USP45: variants seen among roughly 807,000 people sequenced by gnomAD.
USP45 encodes ubiquitin specific peptidase 45, also known as ubiquitin carboxyl-terminal hydrolase 45.
In USP45, 89 loss-of-function variants were observed where a neutral mutation model predicts 95.8. The observed-to-expected ratio is 0.93, with a 90% CI of 0.78 to 1.11. USP45 has a LOEUF of 1.11. Among genes scored for constraint, USP45 ranks in the 50% least tolerant of loss-of-function variants. The pLI, the probability that USP45 is intolerant of heterozygous loss-of-function variation, is 0.00. For synonymous variants in USP45, 281 were observed against 316.2 expected, an observed-to-expected ratio of 0.89 and a Z score of 1.18; for missense variants, 898 against 942.5, an observed-to-expected ratio of 0.95 and a Z score of 0.62.
chr6:99,502,346 AG>A (rs1797568795), intron 5 of USP45, among the ~76,000 whole-genome samples: 1 of 152,166 alleles, frequency 6.6e-6, no homozygotes, highest in Non-Finnish European at 1.5e-5. Flanking sequence ...TATAATTGTT[AG>A]TACAGCACTT....
At chr6:99,470,539 T>A (rs1049276616) in intron 9 of USP45, among the ~76,000 whole-genome samples, 1 of 152,110 alleles carries the variant, frequency 6.6e-6, no homozygotes, top group African/African-American at 2.4e-5. Context: ...AAAGCAAACA[T>A]AAAGCAATTC....
At chr6:99,437,689 G>A (rs767916263) in intron 16 of USP45, among the ~76,000 whole-genome samples, 5 of 151,768 alleles carry the variant, frequency 3.3e-5, no homozygotes, top group Non-Finnish European at 4.4e-5. Flanking sequence ...ATGGAGTCTC[G>A]CTCTGTTACC....
intron 14 of USP45, among the ~76,000 whole-genome samples, chr6:99,443,919 C>T (rs770336537): frequency 1.3e-5 from 2 of 152,072 alleles, no homozygotes; most frequent in South Asian, 2.1e-4. Flanking sequence ...AGGTAGAAAG[C>T]AGATGGACTA....
chr6:99,478,676 T>TA (rs1208169358), intron 8 of USP45, among the ~76,000 whole-genome samples: 2 of 151,970 alleles, frequency 1.3e-5, no homozygotes, highest in Non-Finnish European at 2.9e-5. Flanking sequence ...TACACAGCCA[T>TA]AAAAAAGAAC....
Position 99,434,718 on chromosome 6 carries a change from G to T in USP45, c.*998C>A. The stretch of plus-strand genomic sequence containing the variant: ...CTGTGTTTAGTATTTACAAGAAGTA[G>T]AAAAAGTATATATTTTTCTGTTAAG... On this transcript the variant is annotated 3_prime_UTR_variant, in exon 18 of 18. Coordinates refer to ENST00000500704, the MANE Select transcript of USP45 (RefSeq NM_001346022.3). 1 of 152,244 alleles carries T rather than the reference G, an allele frequency of 6.6e-6. No homozygotes were observed. The highest frequency in any genetic ancestry group is 1.5e-5 in the Non-Finnish European group (1 of 67,994). The allele number at this position is 152,244 out of a possible 1,614,324, so 9.4% of individuals were successfully genotyped here. A position where few individuals can be genotyped will look rare whatever the true frequency, so the allele number is the denominator to read the frequency against.
At chr6:99,465,170 G>A (rs1787613688) in intron 11 of USP45, 34 bp from the exon 12 acceptor site, 1 of 1,537,180 alleles carries the variant, frequency 6.5e-7, no homozygotes, top group East Asian at 2.3e-5. Context: ...ACTTCAGTTA[G>A]AATTCTAATA....
At chr6:99,499,937 T>C (rs147587481) in intron 5 of USP45, among the ~76,000 whole-genome samples, 48 of 152,350 alleles carry the variant, frequency 3.2e-4, no homozygotes, top group South Asian at 1.0e-3. Flanking sequence ...ATCTTACACC[T>C]TCTTTCAGAT....
chr6:99,501,427 A>C (rs1238834524), intron 5 of USP45, among the ~76,000 whole-genome samples: 1 of 152,164 alleles, frequency 6.6e-6, no homozygotes, highest in Non-Finnish European at 1.5e-5. Context: ...TCTACCTCGT[A>C]ACTTCATCTC....
chr6:99,509,299 CCT>C (rs969543595), intron 2 of USP45, among the ~76,000 whole-genome samples: 1 of 152,052 alleles, frequency 6.6e-6, no homozygotes, highest in African/African-American at 2.4e-5. Flanking sequence ...CTGAGCCTCC[CCT>C]GATGTTAATG....
chr6:99,455,356 C>A (rs1784812599), intron 13 of USP45, among the ~76,000 whole-genome samples: 1 of 152,010 alleles, frequency 6.6e-6, no homozygotes, highest in African/African-American at 2.4e-5. Context: ...GAGGCTGAGG[C>A]ATGAGAATCA....
intron 5 of USP45, chr6:99,501,912 C>A: frequency 7.8e-7 from 1 of 1,284,440 alleles, no homozygotes; most frequent in Non-Finnish European, 1.0e-6. Context: ...CATGATGGGT[C>A]CCTCAGGCCA....
chr6:99,471,711 T>C (rs1193027902), intron 9 of USP45, among the ~76,000 whole-genome samples: 1 of 152,176 alleles, frequency 6.6e-6, no homozygotes. Flanking sequence ...AATGAAACCA[T>C]ATGAAAGGAG....
rs1275788451 is a variant in USP45 at position 99,435,437 on chromosome 6, A to T, written c.*279T>A. ...AATGCTTGTAATAATAAGCCACATC[A>T]TAAAGGGGTTTCCTTTCCTACTGTA... On this transcript the variant is annotated 3_prime_UTR_variant, in exon 18 of 18. Transcript: ENST00000500704. 1.2e-5 allele frequency: 3 copies of T among 256,276 alleles called. No homozygotes were observed. Among genetic ancestry groups the T allele is most frequent in the Non-Finnish European group, 2.2e-5 (3 of 136,576 alleles). 15.9% of individuals were successfully genotyped at this position (256,276 alleles called of 1,614,324 possible).
At chr6:99,465,998 ATTAAG>A (rs2128632381) in intron 11 of USP45, among the ~76,000 whole-genome samples, 1 of 152,040 alleles carries the variant, frequency 6.6e-6, no homozygotes, top group East Asian at 1.9e-4. Flanking sequence ...ATGTTAATAC[ATTAAG>A]TTATTTCTAT....
intron 7 of USP45, among the ~76,000 whole-genome samples, chr6:99,484,004 G>GTTTTTTGT (rs1554246520): frequency 2.2e-5 from 2 of 91,464 alleles, no homozygotes; most frequent in South Asian, 4.8e-4. Flanking sequence ...ATTTTCCATA[G>GTTTTTTGT]TTTTTTTTTT....
intron 5 of USP45, among the ~76,000 whole-genome samples, chr6:99,492,873 A>G (rs1795496850): frequency 6.6e-6 from 1 of 152,246 alleles, no homozygotes; most frequent in African/African-American, 2.4e-5. Flanking sequence ...GAGTACATTT[A>G]CAAAATGTAA....
chr6:99,473,576 T>G (rs1789995671), intron 9 of USP45, among the ~76,000 whole-genome samples: 1 of 151,128 alleles, frequency 6.6e-6, no homozygotes, highest in South Asian at 2.1e-4. Flanking sequence ...GTCAACATGG[T>G]GAAACCCCAT....
intron 13 of USP45, among the ~76,000 whole-genome samples, chr6:99,449,520 C>A (rs1165317323): frequency 7.0e-6 from 1 of 142,470 alleles, no homozygotes; most frequent in Non-Finnish European, 1.5e-5. Flanking sequence ...CAGGAGCACC[C>A]ACATTCATAA....
In USP45 at chr6:99,461,862, C is replaced by A. The variant is rs1786535318; in HGVS notation, c.1308+2742G>T. 10 of 984,022 alleles carry A rather than the reference C, an allele frequency of 1.0e-5. No homozygotes were observed. The South Asian group carries it at 3.8e-4, about 37-fold the overall frequency. The allele number at this position is 984,022 out of a possible 1,614,324, so 61.0% of individuals were successfully genotyped here. The stretch of plus-strand genomic sequence containing the variant: ...TCTTATTAACAGCTTCACTAATCAG[C>A]AAAACAAGACTTTATTGATCTTTAT... On this transcript the variant is annotated intron_variant, in intron 13 of 17. Coordinates refer to ENST00000500704, the MANE Select transcript of USP45 (RefSeq NM_001346022.3).
Sources: gnomAD v4.1 joint callset for allele counts (sites outside exome capture counted in the v4.1 genomes callset) on GRCh38, gnomAD v4.1.1 for gene constraint, MANE v1.5 for transcripts, NCBI Gene and HGNC (gene_info 2026-07-23, HGNC 2026-07-21) for gene names.